The following GPC5 variants were observed in gnomAD, a reference collection of about 807,000 sequenced individuals.
The protein encoded by GPC5 is glypican-5.
Under a neutral mutation model 53.9 loss-of-function variants are expected in GPC5, and 47 were observed. The observed-to-expected ratio is 0.87, with a 90% CI of 0.69 to 1.11. The LOEUF is 1.11. GPC5 is among the 50% of genes most tolerant of loss of function. GPC5 has a pLI of 0.00. For missense variants in GPC5, 748 were observed against 713.1 expected (o/e 1.05, Z -0.56); for synonymous variants, 286 against 263.3 (o/e 1.09, Z -0.84).
intron 5 of GPC5, among the ~76,000 whole-genome samples, chr13:91,865,602 T>G (rs1240025551): frequency 6.6e-6 from 1 of 152,194 alleles, no homozygotes. Context: ...CACATTTTTT[T>G]TAAACTTCTG....
intron 2 of GPC5, among the ~76,000 whole-genome samples, chr13:91,532,587 C>T (rs1035003762): frequency 7.9e-5 from 12 of 152,188 alleles, no homozygotes; most frequent in African/African-American, 2.9e-4. Context: ...CAAAGTAGGC[C>T]GGGCACAGTG....
intron 6 of GPC5, among the ~76,000 whole-genome samples, chr13:92,125,424 A>G (rs1176170413): frequency 6.6e-6 from 1 of 152,208 alleles, no homozygotes; most frequent in Non-Finnish European, 1.5e-5. Flanking sequence ...GAATTAGACT[A>G]TTTTAATAGT....
At chr13:91,789,138 G>A (rs761266521) in intron 5 of GPC5, among the ~76,000 whole-genome samples, 68 of 152,046 alleles carry the variant, frequency 4.5e-4, no homozygotes, top group Admixed American at 1.4e-3. Flanking sequence ...GCTTGAACCC[G>A]GGAGGTGGAG....
At chr13:91,732,072 T>C (rs2036711856) in intron 4 of GPC5, among the ~76,000 whole-genome samples, 1 of 152,198 alleles carries the variant, frequency 6.6e-6, no homozygotes, top group Non-Finnish European at 1.5e-5. Flanking sequence ...TTGGGTCAAA[T>C]GGTATTTCTG....
intron 5 of GPC5, among the ~76,000 whole-genome samples, chr13:91,796,787 A>G (rs2038053636): frequency 6.6e-6 from 1 of 152,082 alleles, no homozygotes; most frequent in African/African-American, 2.4e-5. Context: ...CTCTTGTTCA[A>G]TATTTATTGG....
intron 5 of GPC5, among the ~76,000 whole-genome samples, chr13:91,871,370 G>C (rs1378790208): frequency 6.6e-6 from 1 of 152,058 alleles, no homozygotes; most frequent in African/African-American, 2.4e-5. Context: ...GGTGGGAGGA[G>C]GGAGAGGAGC....
chr13:92,251,740 G>A (rs774088160), intron 7 of GPC5, among the ~76,000 whole-genome samples: 8 of 152,072 alleles, frequency 5.3e-5, no homozygotes, highest in African/African-American at 1.2e-4. Context: ...GAATAAAGCC[G>A]GATTTTTAGG....
At chr13:91,451,672 C>T (rs937476081) in intron 2 of GPC5, among the ~76,000 whole-genome samples, 12 of 151,728 alleles carry the variant, frequency 7.9e-5, no homozygotes, top group African/African-American at 4.8e-5. Context: ...GGCTAGAGTG[C>T]GGTGGCATGA....
At chr13:92,189,369 A>G (rs1310773603) in intron 7 of GPC5, among the ~76,000 whole-genome samples, 1 of 152,108 alleles carries the variant, frequency 6.6e-6, no homozygotes, top group Non-Finnish European at 1.5e-5. Context: ...CAAGGGAACT[A>G]TGCAACTCCA....
chr13:92,762,311 A>T (rs2138738583), intron 7 of GPC5, among the ~76,000 whole-genome samples: 1 of 152,178 alleles, frequency 6.6e-6, no homozygotes, highest in African/African-American at 2.4e-5. Context: ...TTTTTATGTG[A>T]CGGAAGTTAC....
intron 6 of GPC5, among the ~76,000 whole-genome samples, chr13:92,098,373 C>G (rs2041438102): frequency 6.6e-6 from 1 of 152,118 alleles, no homozygotes; most frequent in Non-Finnish European, 1.5e-5. Flanking sequence ...CCTTTGTAAC[C>G]AGAATATCTA....
chr13:91,778,147 A>G (rs1334263061), intron 5 of GPC5, among the ~76,000 whole-genome samples: 1 of 152,212 alleles, frequency 6.6e-6, no homozygotes, highest in African/African-American at 2.4e-5. Flanking sequence ...TTCTTAAAAG[A>G]AGAAAATGTG....
chr13:92,493,417 T>C (rs1216342809), intron 7 of GPC5, among the ~76,000 whole-genome samples: 3 of 152,196 alleles, frequency 2.0e-5, no homozygotes, highest in Non-Finnish European at 4.4e-5. Flanking sequence ...GAATAGAATT[T>C]GTTGCTTCTT....
At chr13:92,576,334 T>C (rs1883189291) in intron 7 of GPC5, among the ~76,000 whole-genome samples, 1 of 152,192 alleles carries the variant, frequency 6.6e-6, no homozygotes, top group Admixed American at 6.5e-5. Flanking sequence ...TACCTAGGAA[T>C]GGATGGGCGG....
chr13:91,718,279 T>G (rs2036389132), intron 3 of GPC5, among the ~76,000 whole-genome samples: 1 of 152,048 alleles, frequency 6.6e-6, no homozygotes, highest in African/African-American at 2.4e-5. Flanking sequence ...CGTGGCTAAT[T>G]TTTTGTATTT....
chr13:92,681,554 T>C (rs1171405720), intron 7 of GPC5, among the ~76,000 whole-genome samples: 2 of 152,136 alleles, frequency 1.3e-5, no homozygotes, highest in Non-Finnish European at 2.9e-5. Flanking sequence ...GCAAATCTTA[T>C]CATGTTGCAC....
At chr13:91,542,952 G>A (rs1268357703) in intron 2 of GPC5, among the ~76,000 whole-genome samples, 1 of 150,268 alleles carries the variant, frequency 6.7e-6, no homozygotes, top group African/African-American at 2.5e-5. Flanking sequence ...CGCCTCCTGG[G>A]TTCATGCCAT....
intron 7 of GPC5, among the ~76,000 whole-genome samples, chr13:92,501,687 T>C (rs548849291): frequency 1.3e-4 from 20 of 152,032 alleles, no homozygotes; most frequent in Non-Finnish European, 7.4e-5. Flanking sequence ...CTTAAGAGCA[T>C]CCAGAGAAAA....
intron 4 of GPC5, among the ~76,000 whole-genome samples, chr13:91,739,233 T>C (rs201564520): frequency 6.6e-6 from 1 of 151,320 alleles, no homozygotes; most frequent in East Asian, 1.9e-4. Flanking sequence ...ATATGAGAAA[T>C]AACTAAGGTT....
Sources: allele counts gnomAD v4.1 joint callset (sites outside exome capture counted in the v4.1 genomes callset), GRCh38; gene constraint gnomAD v4.1.1; transcripts MANE v1.5; gene names NCBI Gene and HGNC (gene_info 2026-07-23, HGNC 2026-07-21).